EPHB1: variants seen among roughly 807,000 people sequenced by gnomAD.
The protein encoded by EPHB1 is EPH receptor B1.
EPHB1 carries 30 observed loss-of-function variants against 94.4 expected under a neutral mutation model. The observed-to-expected ratio is 0.32, with a 90% confidence interval of 0.24 to 0.43. The LOEUF (loss-of-function observed/expected upper bound fraction) is 0.43. Ranked by LOEUF, EPHB1 falls within the 20% of genes least tolerant of loss-of-function variation. The probability of loss-of-function intolerance (pLI) is 1.00; values close to 1 mark genes in which losing one functional copy is unlikely to be tolerated. For synonymous variants in EPHB1, 522 were observed against 489.1 expected, an observed-to-expected ratio of 1.07 and a Z score of -0.89; for missense variants, 1,055 against 1,308.3, an observed-to-expected ratio of 0.81 and a Z score of 2.99.
At chr3:134,907,545 A>G (rs754770658) in intron 1 of EPHB1, among the ~76,000 whole-genome samples, 3 of 152,214 alleles carry the variant, frequency 2.0e-5, no homozygotes, top group Non-Finnish European at 4.4e-5. Flanking sequence ...CTAAGGTACC[A>G]GCCAAGAGGG....
chr3:135,185,444 G>C (rs1467362926), intron 10 of EPHB1, among the ~76,000 whole-genome samples: 2 of 152,216 alleles, frequency 1.3e-5, no homozygotes, highest in Non-Finnish European at 2.9e-5. Flanking sequence ...AAAGTAGCTA[G>C]CATCTCTTGA....
At chr3:134,998,420 G>A (rs754827873) in intron 3 of EPHB1, among the ~76,000 whole-genome samples, 1 of 152,206 alleles carries the variant, frequency 6.6e-6, no homozygotes, top group African/African-American at 2.4e-5. Flanking sequence ...CTAAGGCAGG[G>A]CAGAAGCTGG....
chr3:135,113,542 CCA>C (rs1202199322), intron 4 of EPHB1, among the ~76,000 whole-genome samples: 7 of 152,114 alleles, frequency 4.6e-5, no homozygotes, highest in Non-Finnish European at 5.9e-5. Flanking sequence ...GGCGGTCATG[CCA>C]CTTTTATTGT....
At chr3:134,973,425 CTTTT>C (rs10664147) in intron 3 of EPHB1, among the ~76,000 whole-genome samples, 2 of 91,012 alleles carry the variant, frequency 2.2e-5, no homozygotes, top group South Asian at 4.7e-4. Context: ...GTCTTCTAGT[CTTTT>C]TTTTTTTTTT....
chr3:134,968,298 T>A (rs1021954774), intron 3 of EPHB1, among the ~76,000 whole-genome samples: 2 of 152,220 alleles, frequency 1.3e-5, no homozygotes, highest in African/African-American at 4.8e-5. Flanking sequence ...ATTTTTATTA[T>A]TAAACAAGCC....
chr3:135,100,164 C>G (rs1453494652), intron 3 of EPHB1, among the ~76,000 whole-genome samples: 1 of 152,078 alleles, frequency 6.6e-6, no homozygotes, highest in East Asian at 1.9e-4. Flanking sequence ...ATTTAAAATG[C>G]AAGGAGAGAC....
chr3:134,858,000 G>T (rs2037159631), intron 1 of EPHB1, among the ~76,000 whole-genome samples: 1 of 152,108 alleles, frequency 6.6e-6, no homozygotes, highest in Non-Finnish European at 1.5e-5. Context: ...GACCTGGTCA[G>T]GGTGGTTTCA....
chr3:134,860,830 G>A (rs75529866), intron 1 of EPHB1, among the ~76,000 whole-genome samples: 23,854 of 142,496 alleles, frequency 0.17, 2,482 homozygotes, highest in Non-Finnish European at 0.24. Flanking sequence ...ATTTCTTGAC[G>A]CTGTCCTGTG....
intron 4 of EPHB1, among the ~76,000 whole-genome samples, chr3:135,106,922 A>C (rs1467671985): frequency 6.6e-6 from 1 of 152,134 alleles, no homozygotes; most frequent in African/African-American, 2.4e-5. Context: ...ATGATCTATT[A>C]TCACTTCCTC....
At chr3:135,148,745 T>A (rs1453771270) in intron 5 of EPHB1, among the ~76,000 whole-genome samples, 18 of 152,338 alleles carry the variant, frequency 1.2e-4, no homozygotes, top group Non-Finnish European at 4.4e-5. Context: ...TAAAAGCAAT[T>A]TGAGAGTAAG....
intron 10 of EPHB1, among the ~76,000 whole-genome samples, chr3:135,187,926 T>C (rs941258308): frequency 1.3e-5 from 2 of 152,180 alleles, no homozygotes; most frequent in Non-Finnish European, 2.9e-5. Flanking sequence ...AGGCCTGGCA[T>C]GGTGGCTCAT....
At chr3:135,050,845 C>T (rs1033929249) in intron 3 of EPHB1, among the ~76,000 whole-genome samples, 2 of 152,102 alleles carry the variant, frequency 1.3e-5, no homozygotes, top group Non-Finnish European at 2.9e-5. Context: ...TGAGGCCTCA[C>T]CAGAAGCAGA....
chr3:135,034,228 A>C (rs943733339), intron 3 of EPHB1, among the ~76,000 whole-genome samples: 1 of 152,222 alleles, frequency 6.6e-6, no homozygotes, highest in African/African-American at 2.4e-5. Flanking sequence ...ATCCTTCAGA[A>C]TCCACTATGC....
chr3:134,932,129 G>A (rs756834140), intron 2 of EPHB1, among the ~76,000 whole-genome samples: 1 of 152,044 alleles, frequency 6.6e-6, no homozygotes, highest in Non-Finnish European at 1.5e-5. Context: ...TTTCAATAAC[G>A]GGAGGATTAT....
intron 11 of EPHB1, among the ~76,000 whole-genome samples, chr3:135,194,294 A>G (rs1252527852): frequency 6.6e-6 from 1 of 152,204 alleles, no homozygotes; most frequent in Non-Finnish European, 1.5e-5. Flanking sequence ...TCCTGCTAGT[A>G]CCCAAAGCTT....
intron 3 of EPHB1, among the ~76,000 whole-genome samples, chr3:135,040,561 C>T (rs1936800270): frequency 6.6e-6 from 1 of 152,240 alleles, no homozygotes. Context: ...GTAGATGAGA[C>T]ACACCTGTGT....
chr3:134,817,982 C>T (rs994878816), intron 1 of EPHB1, among the ~76,000 whole-genome samples: 5 of 152,194 alleles, frequency 3.3e-5, no homozygotes, highest in African/African-American at 1.2e-4. Context: ...CCTACCCACT[C>T]TTCAAACAGG....
chr3:135,171,998 G>T (rs1941816738), intron 9 of EPHB1, among the ~76,000 whole-genome samples: 1 of 152,186 alleles, frequency 6.6e-6, no homozygotes, highest in African/African-American at 2.4e-5. Flanking sequence ...TATATAAACA[G>T]TGTCTTGATA....
intron 5 of EPHB1, among the ~76,000 whole-genome samples, chr3:135,138,706 C>T (rs562316375): frequency 1.8e-4 from 28 of 152,106 alleles, no homozygotes; most frequent in Middle Eastern, 3.4e-3. Flanking sequence ...AAACTTTCAT[C>T]GAAGTTAATA....
Sources: allele counts gnomAD v4.1 joint callset (sites outside exome capture counted in the v4.1 genomes callset), GRCh38; gene constraint gnomAD v4.1.1; transcripts MANE v1.5; gene names NCBI Gene and HGNC (gene_info 2026-07-23, HGNC 2026-07-21).